EFL1: variants seen among roughly 807,000 people sequenced by gnomAD.
EFL1 encodes the protein elongation factor-like GTPase 1.
EFL1 carries 76 observed loss-of-function variants against 126.7 expected under a neutral mutation model. The observed-to-expected ratio is 0.60, with a 90% CI of 0.50 to 0.73. The LOEUF (loss-of-function observed/expected upper bound fraction) is 0.73. Among genes scored for constraint, EFL1 ranks in the 30% least tolerant of loss-of-function variants. EFL1 has a pLI of 0.00. For synonymous variants in EFL1, 410 were observed against 448.4 expected, an observed-to-expected ratio of 0.91 and a Z score of 1.08; for missense variants, 1,128 against 1,343.2, an observed-to-expected ratio of 0.84 and a Z score of 2.50.
chr15:82,174,596 C>T (rs1470402928), intron 15 of EFL1, among the ~76,000 whole-genome samples: 1 of 152,150 alleles, frequency 6.6e-6, no homozygotes, highest in Non-Finnish European at 1.5e-5. Context: ...ACTTGGATTT[C>T]ATGGTGCCTG....
chr15:82,163,775 G>T lies in EFL1; in HGVS notation c.1882+78C>A, dbSNP rs1378306056. On this transcript the variant is annotated intron_variant, in intron 16 of 19. Coordinates refer to ENST00000268206, the MANE Select transcript of EFL1 (RefSeq NM_024580.6). ...ATTATATACTGCTGAAACAAGTCAT[G>T]AGGAATCAAATACTAAATACATGCA... is the stretch of plus-strand genomic sequence containing the variant. The T allele has an allele frequency of 4.6e-6, 7 of 1,507,354 alleles. No homozygotes were observed. In the African/African-American group the frequency reaches 7.0e-5, roughly 15 times the overall value. The allele number at this position is 1,507,354 out of a possible 1,614,324, so 93.4% of individuals were successfully genotyped here.
At chr15:82,131,221 C>T (rs1482336878) in intron 19 of EFL1, among the ~76,000 whole-genome samples, 1 of 151,932 alleles carries the variant, frequency 6.6e-6, no homozygotes, top group Admixed American at 6.5e-5. Context: ...ATGTCTTTGC[C>T]ATCAATATTT....
At chr15:82,203,044 C>T (rs143534520) in intron 15 of EFL1, among the ~76,000 whole-genome samples, 2,302 of 152,124 alleles carry the variant, frequency 0.015, 25 homozygotes, top group East Asian at 0.024. Context: ...AACTCCTGAC[C>T]TTGTGATCCA....
At chr15:82,169,010 G>A (rs1342303286) in intron 15 of EFL1, among the ~76,000 whole-genome samples, 1 of 152,060 alleles carries the variant, frequency 6.6e-6, no homozygotes, top group Non-Finnish European at 1.5e-5. Context: ...GTCACTGTAA[G>A]GTCCCAATTT....
At chr15:82,220,847 G>A (rs1477737758) in intron 12 of EFL1, among the ~76,000 whole-genome samples, 20 of 151,982 alleles carry the variant, frequency 1.3e-4, no homozygotes, top group Admixed American at 3.3e-4. Flanking sequence ...AGGACGCAGA[G>A]AAGGTATTTA....
rs564865903 is a variant in EFL1 at position 82,157,619 on chromosome 15, A to C, written c.2030+94T>G. 7.2e-5 allele frequency: 100 copies of C among 1,381,108 alleles called. No homozygotes were observed. The African/African-American group carries it at 1.1e-3, about 15-fold the overall frequency. 85.6% of individuals were successfully genotyped at this position (1,381,108 alleles called of 1,614,324 possible). On this transcript the variant is annotated intron_variant, in intron 17 of 19. Coordinates refer to ENST00000268206, the MANE Select transcript of EFL1 (RefSeq NM_024580.6). ...GGGCATTTCATTTTTCTCCAAAAAT[A>C]AGCCGCAGTCTAAGTTCAACTGGTT...
chr15:82,146,177 C>T (rs1174321853), intron 18 of EFL1, among the ~76,000 whole-genome samples: 7 of 152,074 alleles, frequency 4.6e-5, no homozygotes, highest in African/African-American at 1.7e-4. Context: ...CAAAATTTCC[C>T]ATTTTGACCA....
chr15:82,211,325 G>A (rs2074582340), intron 15 of EFL1, among the ~76,000 whole-genome samples: 1 of 151,566 alleles, frequency 6.6e-6, no homozygotes, highest in Non-Finnish European at 1.5e-5. Flanking sequence ...AGGAGTTCAA[G>A]ACCAGCCTGG....
rs368413050 is a variant in EFL1 at position 82,229,087 on chromosome 15, A to T, written c.879T>A (p.Phe293Leu). 11 of 1,611,282 alleles carry T rather than the reference A, an allele frequency of 6.8e-6. No homozygotes were observed. Among genetic ancestry groups the T allele is most frequent in the African/African-American group, 1.3e-5 (1 of 74,792 alleles). ...ATATATTTTCCAGGATCAACTGTAC[A>T]AATAAAGGTTTCTTTCCTTTGGCCT... is the stretch of plus-strand genomic sequence containing the variant. ...GDQAKGKKPL[F>L]VQLILENIWS... Residue 293 changes from phenylalanine to leucine, a missense_variant, in exon 9 of 20, where the codon TTT (phenylalanine) becomes TTA (leucine). Transcript: ENST00000268206.
chr15:82,171,732 G>A (rs764837072), intron 15 of EFL1, among the ~76,000 whole-genome samples: 1 of 152,008 alleles, frequency 6.6e-6, no homozygotes, highest in Non-Finnish European at 1.5e-5. Flanking sequence ...TGGGGAGGGA[G>A]GTTGGATAAA....
At chr15:82,165,432 A>G (rs1000903660) in intron 15 of EFL1, among the ~76,000 whole-genome samples, 4 of 152,192 alleles carry the variant, frequency 2.6e-5, no homozygotes, top group Admixed American at 2.6e-4. Flanking sequence ...ACACATCCAG[A>G]CTGGTGGAGA....
At chr15:82,191,089 A>G (rs1255987894) in intron 15 of EFL1, among the ~76,000 whole-genome samples, 2 of 151,320 alleles carry the variant, frequency 1.3e-5, no homozygotes, top group African/African-American at 4.9e-5. Context: ...CCATCTCCTC[A>G]GATATTTAAA....
At chr15:82,233,641 G>C (rs1373967886) in intron 7 of EFL1, 1 of 152,146 alleles carries the variant, frequency 6.6e-6, no homozygotes, top group Non-Finnish European at 1.5e-5. Flanking sequence ...TCTAAAACAA[G>C]AACTTAGATT....
At chr15:82,255,692 T>C (rs2075060718) in intron 3 of EFL1, among the ~76,000 whole-genome samples, 1 of 152,210 alleles carries the variant, frequency 6.6e-6, no homozygotes, top group African/African-American at 2.4e-5. Flanking sequence ...GGTCCAATTT[T>C]TTTTTCCACA....
chr15:82,184,342 C>G (rs908534755), intron 15 of EFL1, among the ~76,000 whole-genome samples: 2 of 152,118 alleles, frequency 1.3e-5, no homozygotes, highest in African/African-American at 4.8e-5. Context: ...TTACAGCAAC[C>G]TCAGAGAGTG....
intron 12 of EFL1, among the ~76,000 whole-genome samples, chr15:82,224,884 T>A (rs369503161): frequency 6.6e-6 from 1 of 152,224 alleles, no homozygotes. Flanking sequence ...CTGACATGTT[T>A]AATAAAAGTT....
chr15:82,206,411 A>G (rs1185480450), intron 15 of EFL1, among the ~76,000 whole-genome samples: 1 of 152,176 alleles, frequency 6.6e-6, no homozygotes, highest in Non-Finnish European at 1.5e-5. Context: ...AGTAATATGG[A>G]AACATATTAA....
chr15:82,167,164 G>A (rs866893396), intron 15 of EFL1, among the ~76,000 whole-genome samples: 1 of 152,246 alleles, frequency 6.6e-6, no homozygotes, highest in Middle Eastern at 3.4e-3. Context: ...AGCAGGTTGA[G>A]GAACATGGAG....
At chr15:82,253,857 T>A (rs1440250855) in intron 3 of EFL1, among the ~76,000 whole-genome samples, 1 of 152,152 alleles carries the variant, frequency 6.6e-6, no homozygotes, top group African/African-American at 2.4e-5. Context: ...AAAGATCCCA[T>A]CCCTTTCCAA....
Sources: allele counts gnomAD v4.1 joint callset (sites outside exome capture counted in the v4.1 genomes callset), GRCh38; gene constraint gnomAD v4.1.1; transcripts MANE v1.5; gene names NCBI Gene and HGNC (gene_info 2026-07-23, HGNC 2026-07-21).